The following PON2 variants were observed in gnomAD, a reference collection of about 807,000 sequenced individuals.
The protein encoded by PON2 is serum paraoxonase/arylesterase 2.
PON2 carries 27 observed loss-of-function variants against 36.6 expected under a neutral mutation model. That is an observed-to-expected ratio of 0.74 (90% CI 0.54 to 1.02). PON2 has a LOEUF of 1.02. Ranked by LOEUF, PON2 falls within the 50% of genes least tolerant of loss-of-function variation. The pLI is 0.00. For missense variants in PON2, 363 were observed against 421.1 expected (o/e 0.86, Z 1.21); for synonymous variants, 149 against 156.3 (o/e 0.95, Z 0.35).
In PON2 at chr7:95,407,126, C is replaced by T. The variant is rs892218562; in HGVS notation, c.696-58G>A. ...ATGCCAATATAAAGCTTCATTAATA[C>T]AGTGTGAAAGAATAAGTCTTAATAA... On this transcript the variant is annotated intron_variant, in intron 6 of 8. Transcript: ENST00000222572. 5 of 1,131,826 alleles carry T rather than the reference C, an allele frequency of 4.4e-6. No homozygotes were observed. In the African/African-American group the frequency reaches 4.6e-5, roughly 10 times the overall value. The allele number at this position is 1,131,826 out of a possible 1,614,324, so 70.1% of individuals were successfully genotyped here.
intron 2 of PON2, among the ~76,000 whole-genome samples, chr7:95,423,371 T>G (rs1027436305): frequency 4.0e-5 from 6 of 149,662 alleles, no homozygotes; most frequent in Non-Finnish European, 8.9e-5. Flanking sequence ...AAAGCCAATA[T>G]TTATTGTTCA....
At chr7:95,432,547 G>C (rs902435494) in intron 1 of PON2, among the ~76,000 whole-genome samples, 2 of 151,608 alleles carry the variant, frequency 1.3e-5, no homozygotes, top group Non-Finnish European at 2.9e-5. Flanking sequence ...CTTAAGATTA[G>C]TGAGAAGGGG....
chr7:95,416,254 A>G lies in PON2; in HGVS notation c.189T>C (p.Ala63=), dbSNP rs748978193. The change falls in exon 3 of 9, where the codon GCT becomes GCC. Residue 63 remains alanine (A), a synonymous_variant. Coordinates refer to ENST00000222572, the MANE Select transcript of PON2 (RefSeq NM_000305.3). ...EDIDILPNGL[A]FFSVGLKFPG... is the part of the protein sequence containing the mutation. ...AGAAGACACTCACCACACTAAAAAA[A>G]GCCAGACCATTGGGAAGTATGTCAA... is the stretch of plus-strand genomic sequence containing the variant. 9 of 1,613,188 alleles carry G rather than the reference A, an allele frequency of 5.6e-6. No homozygotes were observed. Among genetic ancestry groups the G allele is most frequent in the Non-Finnish European group, 6.8e-6 (8 of 1,179,126 alleles).
intron 1 of PON2, among the ~76,000 whole-genome samples, chr7:95,429,201 A>C (rs1789383879): frequency 7.6e-6 from 1 of 131,892 alleles, no homozygotes; most frequent in African/African-American, 2.8e-5. Context: ...ACCCCACAAG[A>C]GGCCCCGGTG....
intron 6 of PON2, among the ~76,000 whole-genome samples, chr7:95,408,918 C>T (rs962849991): frequency 6.6e-6 from 1 of 152,138 alleles, no homozygotes; most frequent in Non-Finnish European, 1.5e-5. Context: ...GTCTGTTCTA[C>T]AGAAAAGTAG....
chr7:95,406,936 C>T (rs1158221019), intron 7 of PON2, 51 bp downstream of exon 7: 2 of 1,127,430 alleles, frequency 1.8e-6, no homozygotes, highest in Non-Finnish European at 2.6e-6. Context: ...AAAACTATGT[C>T]ATTGCAAAGC....
At chr7:95,415,172 T>C (rs1393455595) in intron 3 of PON2, 1 of 152,230 alleles carries the variant, frequency 6.6e-6, no homozygotes, top group African/African-American at 2.4e-5. Context: ...GTTGGTTACT[T>C]CTTCCTCCAG....
intron 3 of PON2, among the ~76,000 whole-genome samples, chr7:95,413,742 T>C (rs1585750714): frequency 6.6e-6 from 1 of 152,312 alleles, no homozygotes; most frequent in East Asian, 1.9e-4. Context: ...TTACACAAAT[T>C]TAGGCACACA....
chr7:95,425,249 G>C (rs1445820150), intron 1 of PON2, among the ~76,000 whole-genome samples: 1 of 152,122 alleles, frequency 6.6e-6, no homozygotes, highest in Non-Finnish European at 1.5e-5. Context: ...GTATGTATTG[G>C]AATAGGAAGG....
At chr7:95,407,857 A>C (rs1435485664) in intron 6 of PON2, among the ~76,000 whole-genome samples, 1 of 152,226 alleles carries the variant, frequency 6.6e-6, no homozygotes, top group Non-Finnish European at 1.5e-5. Flanking sequence ...GGGCATCTGC[A>C]GTGGCTGTGT....
intron 6 of PON2, 70 bp from the exon 7 acceptor site, chr7:95,407,138 A>C (rs1320336025): frequency 2.1e-6 from 2 of 971,778 alleles, no homozygotes; most frequent in Non-Finnish European, 3.2e-6. Flanking sequence ...GTGTGAAAGA[A>C]TAAGTCTTAA....
chr7:95,419,758 A>G (rs572936717), intron 2 of PON2, among the ~76,000 whole-genome samples: 3 of 152,256 alleles, frequency 2.0e-5, no homozygotes, highest in South Asian at 2.1e-4. Context: ...AATGGCAACA[A>G]GCAGAGTTCT....
At chr7:95,423,307 G>A (rs1223624864) in intron 2 of PON2, among the ~76,000 whole-genome samples, 1 of 135,516 alleles carries the variant, frequency 7.4e-6, no homozygotes, top group Non-Finnish European at 1.5e-5. Flanking sequence ...GGGTGACAAA[G>A]TGAGGCCACC....
chr7:95,434,969 C>T lies in PON2; in HGVS notation c.-18G>A. 6.6e-7 allele frequency: 1 copy of T among 1,520,616 alleles called. No homozygotes were observed. Among genetic ancestry groups the T allele is most frequent in the South Asian group, 1.2e-5 (1 of 81,942 alleles). 94.2% of individuals were successfully genotyped at this position (1,520,616 alleles called of 1,614,324 possible). ...CGCCCCATGGCGCGGGAGCCGGGCG[C>T]GCTGCCTCGCTCCGGCCTGGCCAGC... On this transcript the variant is annotated 5_prime_UTR_variant, in exon 1 of 9. Coordinates refer to ENST00000222572, the MANE Select transcript of PON2 (RefSeq NM_000305.3).
chr7:95,417,921 T>A (rs905645836), intron 2 of PON2, among the ~76,000 whole-genome samples: 3 of 152,220 alleles, frequency 2.0e-5, no homozygotes, highest in Non-Finnish European at 4.4e-5. Flanking sequence ...TTTTTCTTTA[T>A]ACTTTGTTTA....
chr7:95,424,444 C>T, intron 2 of PON2, 71 bp downstream of exon 2: 1 of 1,216,554 alleles, frequency 8.2e-7, no homozygotes, highest in Non-Finnish European at 1.2e-6. Context: ...TGCTAAAATG[C>T]CATTAATGAG....
At position 95,412,529 on chromosome 7, in the gene PON2, G is replaced by T. The variant is rs142141779; in HGVS notation, c.202-52C>A. The stretch of plus-strand genomic sequence containing the variant: ...ATACAAAAGCTTAAGTATTTTTATG[G>T]ACTAACATGGGAACTGTACATGAAG... On this transcript the variant is annotated intron_variant, in intron 3 of 8. Transcript: ENST00000222572. The T allele has an allele frequency of 3.6e-3, 5,642 of 1,548,176 alleles. 309 individuals carry two copies. The Admixed American group carries it at 0.09, about 25-fold the overall frequency.
chr7:95,408,595 T>A (rs1809771522), intron 6 of PON2, among the ~76,000 whole-genome samples: 1 of 152,164 alleles, frequency 6.6e-6, no homozygotes, highest in African/African-American at 2.4e-5. Flanking sequence ...TTAGAGACAA[T>A]TTAAATTAAA....
intron 1 of PON2, among the ~76,000 whole-genome samples, chr7:95,426,544 A>G (rs1043808370): frequency 6.6e-6 from 1 of 152,228 alleles, no homozygotes; most frequent in East Asian, 1.9e-4. Context: ...GAAGCAGGGA[A>G]GCTTTTGCTT....
Sources: gnomAD v4.1 joint callset for allele counts (sites outside exome capture counted in the v4.1 genomes callset) on GRCh38, gnomAD v4.1.1 for gene constraint, MANE v1.5 for transcripts, NCBI Gene and HGNC (gene_info 2026-07-23, HGNC 2026-07-21) for gene names.